Variants in SGCD observed in about 807,000 individuals in gnomAD.
SGCD encodes the protein sarcoglycan delta.
Under a neutral mutation model 36.6 loss-of-function variants are expected in SGCD, and 18 were observed. The ratio of observed to expected loss-of-function variants is 0.49; its 90% CI spans 0.34 to 0.73. SGCD has a LOEUF of 0.73. SGCD is among the 30% of genes least tolerant of loss of function. SGCD has a pLI of 0.01. For synonymous variants in SGCD, 133 were observed against 130.6 expected, an observed-to-expected ratio of 1.02 and a Z score of -0.12; for missense variants, 387 against 346.7, an observed-to-expected ratio of 1.12 and a Z score of -0.92.
chr5:156,551,640 G>A (rs1362601331), intron 4 of SGCD, among the ~76,000 whole-genome samples: 5 of 152,096 alleles, frequency 3.3e-5, no homozygotes, highest in Non-Finnish European at 4.4e-5. Flanking sequence ...AAAAGGGAGG[G>A]ATAAAGGCAA....
chr5:156,167,324 T>C (rs1763237107), intron 3 of SGCD, among the ~76,000 whole-genome samples: 1 of 152,164 alleles, frequency 6.6e-6, no homozygotes, highest in South Asian at 2.1e-4. Flanking sequence ...ACTTGCTTAA[T>C]GTTATTATCC....
At chr5:156,597,092 A>T (rs971968714) in intron 6 of SGCD, among the ~76,000 whole-genome samples, 1 of 152,192 alleles carries the variant, frequency 6.6e-6, no homozygotes, top group African/African-American at 2.4e-5. Flanking sequence ...GTGTGGCATG[A>T]TCTGAAACAA....
chr5:156,702,510 C>T (rs73302852), intron 7 of SGCD, among the ~76,000 whole-genome samples: 4,009 of 152,060 alleles, frequency 0.026, 177 homozygotes, highest in African/African-American at 0.092. Context: ...CCTAATAAAA[C>T]CAAAACCAAA....
chr5:156,417,103 A>T (rs771209915), intron 3 of SGCD, among the ~76,000 whole-genome samples: 10 of 152,186 alleles, frequency 6.6e-5, no homozygotes, highest in Non-Finnish European at 1.3e-4. Context: ...CATTTTAGAG[A>T]AAAAAATGTA....
At chr5:156,230,971 C>T (rs748981574) in intron 3 of SGCD, among the ~76,000 whole-genome samples, 2 of 152,036 alleles carry the variant, frequency 1.3e-5, no homozygotes, top group African/African-American at 2.4e-5. Context: ...ATTTCATCTT[C>T]TCAACGTTAA....
At chr5:156,166,609 C>T (rs562401117) in intron 3 of SGCD, among the ~76,000 whole-genome samples, 20 of 152,312 alleles carry the variant, frequency 1.3e-4, no homozygotes, top group East Asian at 3.9e-4. Context: ...CGTGAGCCAC[C>T]GTGCCCAGCC....
At chr5:155,924,634 G>T (rs763993318) in intron 1 of SGCD, among the ~76,000 whole-genome samples, 8 of 152,194 alleles carry the variant, frequency 5.3e-5, no homozygotes, top group Non-Finnish European at 8.8e-5. Flanking sequence ...TCAAACAATA[G>T]TAGCTATGCT....
chr5:156,014,923 G>T (rs2127571746), intron 1 of SGCD, among the ~76,000 whole-genome samples: 1 of 152,272 alleles, frequency 6.6e-6, no homozygotes, highest in Non-Finnish European at 1.5e-5. Flanking sequence ...AGAATACCAT[G>T]TAAGCGATGC....
the SGCD span, among the ~76,000 whole-genome samples, chr5:155,788,245 A>T: frequency 6.6e-6 from 1 of 152,184 alleles, no homozygotes; most frequent in Non-Finnish European, 1.5e-5. Flanking sequence ...TTTCTTAAAT[A>T]GTTTAAGTAT....
At chr5:156,032,816 T>C (rs996657037) in intron 1 of SGCD, among the ~76,000 whole-genome samples, 2 of 149,756 alleles carry the variant, frequency 1.3e-5, no homozygotes, top group African/African-American at 2.5e-5. Flanking sequence ...ACATCTGTAA[T>C]TGTAGCACTT....
At chr5:156,194,568 A>G (rs115542435) in intron 3 of SGCD, among the ~76,000 whole-genome samples, 2,463 of 152,246 alleles carry the variant, frequency 0.016, 67 homozygotes, top group African/African-American at 0.056. Flanking sequence ...GGTATTTTGC[A>G]TAGATAAGCT....
chr5:155,752,047 G>A, the SGCD span, among the ~76,000 whole-genome samples: 1 of 152,164 alleles, frequency 6.6e-6, no homozygotes, highest in African/African-American at 2.4e-5. Flanking sequence ...TAATAAAAAA[G>A]CAAGTTATGA....
chr5:156,570,469 A>G (rs1319750432), intron 4 of SGCD, among the ~76,000 whole-genome samples: 1 of 152,214 alleles, frequency 6.6e-6, no homozygotes. Flanking sequence ...TACTTCTGAC[A>G]ACTTTTAATT....
At chr5:156,347,319 T>C (rs1769002967) in intron 3 of SGCD, among the ~76,000 whole-genome samples, 1 of 152,234 alleles carries the variant, frequency 6.6e-6, no homozygotes, top group South Asian at 2.1e-4. Context: ...TTCTGTGATG[T>C]TGTTAATTTG....
At chr5:156,713,768 G>T (rs1392733000) in intron 7 of SGCD, among the ~76,000 whole-genome samples, 1 of 152,180 alleles carries the variant, frequency 6.6e-6, no homozygotes, top group Non-Finnish European at 1.5e-5. Flanking sequence ...ATATGCCAAA[G>T]GAGTTGAGAT....
chr5:156,294,344 C>A (rs1047817611), intron 3 of SGCD, among the ~76,000 whole-genome samples: 1 of 152,066 alleles, frequency 6.6e-6, no homozygotes, highest in African/African-American at 2.4e-5. Flanking sequence ...TTCTTGTAAT[C>A]CCAGCATCTC....
intron 7 of SGCD, among the ~76,000 whole-genome samples, chr5:156,651,695 T>TTAAAGTACACTTTA (rs1288437010): frequency 6.6e-6 from 1 of 152,186 alleles, no homozygotes; most frequent in African/African-American, 2.4e-5. Context: ...TTTTAGTTAC[T>TTAAAGTACACTTTA]GTAGCCTTAA....
At chr5:155,906,104 T>C (rs1375313433) in intron 1 of SGCD, among the ~76,000 whole-genome samples, 1 of 152,194 alleles carries the variant, frequency 6.6e-6, no homozygotes, top group African/African-American at 2.4e-5. Flanking sequence ...ATTATTATTA[T>C]ATCTGATATA....
At chr5:155,878,789 A>G (rs1755817490) in intron 1 of SGCD, among the ~76,000 whole-genome samples, 1 of 152,140 alleles carries the variant, frequency 6.6e-6, no homozygotes, top group South Asian at 2.1e-4. Context: ...ATCCAATAGA[A>G]TAAACTATTC....
Sources: allele counts gnomAD v4.1 joint callset (sites outside exome capture counted in the v4.1 genomes callset), GRCh38; gene constraint gnomAD v4.1.1; transcripts MANE v1.5; gene names NCBI Gene and HGNC (gene_info 2026-07-23, HGNC 2026-07-21).